The following HFM1 variants were observed in gnomAD, a reference collection of about 807,000 sequenced individuals.
HFM1 encodes the protein probable ATP-dependent DNA helicase HFM1.
Under a neutral mutation model 192.1 loss-of-function variants are expected in HFM1, and 169 were observed. The observed-to-expected ratio is 0.88, with a 90% CI of 0.78 to 1.00. The LOEUF is 1.00. HFM1 is among the 50% of genes least tolerant of loss of function. The probability of loss-of-function intolerance (pLI) is 0.00; values close to 1 mark genes in which losing one functional copy is unlikely to be tolerated. For synonymous variants in HFM1, 525 were observed against 537.8 expected (o/e 0.98, Z 0.33); for missense variants, 1,661 against 1,668.0 (o/e 1.00, Z 0.07).
At position 91,378,431 on chromosome 1, in the gene HFM1, T is replaced by C; in HGVS notation, c.1208A>G (p.Gln403Arg). 1 of 1,606,352 alleles carries C rather than the reference T, an allele frequency of 6.2e-7. No individual in the cohort carries two copies. Among genetic ancestry groups the C allele is most frequent in the Non-Finnish European group, 8.5e-7 (1 of 1,174,848 alleles). ...ATCAATGAGAAACAGTCGAACCAGC[T>C]GAACCAAAGAGTTGTCTCTCCATTT... ...TRKWRDNSLVQLVRLFLIDEV... is the reference protein window; with the variant it reads ...TRKWRDNSLVRLVRLFLIDEV... Residue 403 changes from glutamine (Q) to arginine (R), a missense_variant, in exon 10 of 39, where the codon CAG (glutamine) becomes CGG (arginine). By Grantham distance (43) the Gln-to-Arg change is conservative. Transcript: ENST00000370425.
chr1:91,312,444 C>T (rs1650604646), intron 30 of HFM1, among the ~76,000 whole-genome samples: 1 of 152,168 alleles, frequency 6.6e-6, no homozygotes, highest in African/African-American at 2.4e-5. Context: ...CAAAGGAGAT[C>T]ATTTTGGAGC....
At chr1:91,307,072 TTTTC>T (rs1429991422) in intron 30 of HFM1, among the ~76,000 whole-genome samples, 25 of 152,142 alleles carry the variant, frequency 1.6e-4, no homozygotes, top group South Asian at 4.1e-4. Flanking sequence ...GTTACTTGTG[TTTTC>T]TTTCTTTCTC....
At chr1:91,392,555 T>C (rs1396359037) in intron 4 of HFM1, among the ~76,000 whole-genome samples, 1 of 151,970 alleles carries the variant, frequency 6.6e-6, no homozygotes, top group African/African-American at 2.4e-5. Context: ...ATGAGAACAC[T>C]TGCATACAGG....
At chr1:91,370,284 C>CA (rs1468725350) in intron 13 of HFM1, among the ~76,000 whole-genome samples, 1 of 151,840 alleles carries the variant, frequency 6.6e-6, no homozygotes, top group East Asian at 1.9e-4. Context: ...AGAGACACAA[C>CA]AAAAAAAGAG....
intron 13 of HFM1, among the ~76,000 whole-genome samples, chr1:91,354,144 C>A (rs1342390354): frequency 6.6e-6 from 1 of 151,282 alleles, no homozygotes; most frequent in Admixed American, 6.6e-5. Flanking sequence ...GAAAGTTATT[C>A]AAAAAGAACC....
At position 91,400,343 on chromosome 1, in the gene HFM1, T is replaced by C. The variant is rs547343106; in HGVS notation, c.71+669A>G. ...ATCATACTTTGCCTTTGGCATACTG[T>C]CCATTCTGTTTCCAGATGGTGACGT... On this transcript the variant is annotated intron_variant, in intron 2 of 38. Transcript: ENST00000370425. Among the ~76,000 whole-genome samples the C allele has an allele frequency of 9.8e-5, 15 of 152,348 alleles. 1 individual carries two copies. The highest frequency in any genetic ancestry group is 3.4e-4 in the African/African-American group (14 of 41,586).
At chr1:91,373,416 A>T (rs1660501474) in intron 13 of HFM1, among the ~76,000 whole-genome samples, 1 of 152,152 alleles carries the variant, frequency 6.6e-6, no homozygotes, top group African/African-American at 2.4e-5. Context: ...TAACAATAAT[A>T]ATAAGTTAAT....
At chr1:91,289,255 T>A (rs556555587) in intron 30 of HFM1, among the ~76,000 whole-genome samples, 4 of 148,292 alleles carry the variant, frequency 2.7e-5, no homozygotes, top group Non-Finnish European at 5.9e-5. Flanking sequence ...GCTCTTCACA[T>A]CTCAGACGGG....
intron 25 of HFM1, 47 bp from the exon 26 acceptor site, chr1:91,316,523 A>G (rs1464226413): frequency 1.2e-6 from 1 of 812,152 alleles, no homozygotes. Flanking sequence ...TGCACTTTAA[A>G]TAAAACATAT....
At chr1:91,384,508 C>T (rs79486667) in intron 6 of HFM1, among the ~76,000 whole-genome samples, 3,352 of 152,072 alleles carry the variant, frequency 0.022, 113 homozygotes, top group African/African-American at 0.077. Flanking sequence ...GAAATGTCCC[C>T]AATCCACACA....
At chr1:91,287,884 G>T (rs1394699038) in intron 30 of HFM1, among the ~76,000 whole-genome samples, 1 of 152,188 alleles carries the variant, frequency 6.6e-6, no homozygotes, top group Non-Finnish European at 1.5e-5. Flanking sequence ...CTCAGGAGCC[G>T]ATGCGATGAA....
chr1:91,360,459 A>G (rs547381950), intron 13 of HFM1, among the ~76,000 whole-genome samples: 1 of 152,360 alleles, frequency 6.6e-6, no homozygotes, highest in East Asian at 1.9e-4. Flanking sequence ...AGGGCATTAC[A>G]TAATGGTAAA....
intron 1 of HFM1, chr1:91,404,543 T>G (rs1571263272): frequency 4.4e-6 from 1 of 227,420 alleles, no homozygotes; most frequent in African/African-American, 2.4e-5. Flanking sequence ...CGCGGGGAGC[T>G]GGGCCCGCCC....
chr1:91,402,311 C>A (rs935415522), intron 1 of HFM1, among the ~76,000 whole-genome samples: 3 of 152,118 alleles, frequency 2.0e-5, no homozygotes, highest in Non-Finnish European at 4.4e-5. Flanking sequence ...AGAACTAAAC[C>A]TGTATATATA....
chr1:91,389,384 A>G (rs1662647295), intron 4 of HFM1, among the ~76,000 whole-genome samples: 1 of 151,200 alleles, frequency 6.6e-6, no homozygotes, highest in Non-Finnish European at 1.5e-5. Context: ...CTGGTCTCGA[A>G]CTCCTGACCT....
At chr1:91,264,426 G>T (rs1665522311) in intron 36 of HFM1, among the ~76,000 whole-genome samples, 1 of 117,874 alleles carries the variant, frequency 8.5e-6, no homozygotes, top group Admixed American at 1.1e-4. Context: ...AGGTGGAAGT[G>T]CAGTGGCGCA....
intron 5 of HFM1, 103 bp downstream of exon 5, chr1:91,385,472 G>A (rs1662082489): frequency 2.0e-6 from 2 of 978,594 alleles, no homozygotes; most frequent in Non-Finnish European, 3.0e-6. Flanking sequence ...ATTGCACAGA[G>A]AGATAATTTA....
intron 13 of HFM1, among the ~76,000 whole-genome samples, chr1:91,370,646 C>A (rs1287067234): frequency 6.6e-6 from 1 of 152,094 alleles, no homozygotes; most frequent in Non-Finnish European, 1.5e-5. Context: ...ACTGAATGGG[C>A]AAAAACTGGA....
chr1:91,402,370 T>C (rs1664401547), intron 1 of HFM1, among the ~76,000 whole-genome samples: 2 of 152,144 alleles, frequency 1.3e-5, no homozygotes, highest in Admixed American at 1.3e-4. Flanking sequence ...TTTTTCACTG[T>C]TTTCGTTATT....
Sources: gnomAD v4.1 joint callset for allele counts (sites outside exome capture counted in the v4.1 genomes callset) on GRCh38, gnomAD v4.1.1 for gene constraint, MANE v1.5 for transcripts, NCBI Gene and HGNC (gene_info 2026-07-23, HGNC 2026-07-21) for gene names.